The following MAST2 variants were observed in gnomAD, a reference collection of about 807,000 sequenced individuals.
The protein encoded by MAST2 is microtubule-associated serine/threonine-protein kinase 2.
In MAST2, 70 loss-of-function variants were observed where a neutral mutation model predicts 147.4. That is an observed-to-expected ratio of 0.47 (90% CI 0.39 to 0.58). The LOEUF is 0.58. Among genes scored for constraint, MAST2 ranks in the 20% least tolerant of loss-of-function variants. The pLI, the probability that MAST2 is intolerant of heterozygous loss-of-function variation, is 0.00. For missense variants in MAST2, 2,080 were observed against 2,302.3 expected, an observed-to-expected ratio of 0.90 and a Z score of 1.98; for synonymous variants, 869 against 896.8, an observed-to-expected ratio of 0.97 and a Z score of 0.55.
At chr1:45,955,310 C>T (rs1364444535) in intron 4 of MAST2, among the ~76,000 whole-genome samples, 1 of 152,138 alleles carries the variant, frequency 6.6e-6, no homozygotes, top group Non-Finnish European at 1.5e-5. Context: ...TACACATCTT[C>T]CTGTATACTT....
chr1:45,843,933 A>G (rs1201039604), intron 3 of MAST2, among the ~76,000 whole-genome samples: 3 of 152,220 alleles, frequency 2.0e-5, no homozygotes, highest in African/African-American at 7.2e-5. Flanking sequence ...CACATTAAAT[A>G]CTTTGCCTGA....
At chr1:45,871,067 A>T (rs1307593480) in intron 3 of MAST2, among the ~76,000 whole-genome samples, 1 of 132,118 alleles carries the variant, frequency 7.6e-6, no homozygotes, top group African/African-American at 2.9e-5. Flanking sequence ...AATGGCATAC[A>T]GTAGGTTTTC....
intron 4 of MAST2, among the ~76,000 whole-genome samples, chr1:45,955,912 A>G (rs1372897058): frequency 6.6e-6 from 1 of 152,144 alleles, no homozygotes; most frequent in Non-Finnish European, 1.5e-5. Flanking sequence ...AGTTTTATTG[A>G]GGTATGATTG....
At chr1:45,814,142 A>T (rs185690551) in intron 1 of MAST2, among the ~76,000 whole-genome samples, 1 of 152,330 alleles carries the variant, frequency 6.6e-6, no homozygotes, top group East Asian at 1.9e-4. Context: ...ATGATAATAT[A>T]CAACTATGTT....
At chr1:45,813,421 C>T (rs1038746557) in intron 1 of MAST2, among the ~76,000 whole-genome samples, 5 of 151,826 alleles carry the variant, frequency 3.3e-5, no homozygotes, top group African/African-American at 1.2e-4. Flanking sequence ...CCTCTGCCTC[C>T]TGGGTTCAAG....
intron 4 of MAST2, among the ~76,000 whole-genome samples, chr1:45,920,662 T>C (rs568555767): frequency 1.6e-4 from 25 of 152,214 alleles, no homozygotes; most frequent in Non-Finnish European, 3.1e-4. Context: ...ATAAGCCCAA[T>C]AGAAGCAGAT....
chr1:45,845,525 T>A (rs1224008384), intron 3 of MAST2, among the ~76,000 whole-genome samples: 1 of 152,258 alleles, frequency 6.6e-6, no homozygotes, highest in East Asian at 1.9e-4. Context: ...ATATTAAGGA[T>A]ACTTGTATTT....
intron 3 of MAST2, among the ~76,000 whole-genome samples, chr1:45,846,109 A>G (rs536013719): frequency 9.7e-6 from 1 of 102,912 alleles, no homozygotes; most frequent in South Asian, 3.8e-4. Context: ...TCAACATAAC[A>G]ATCATCACTG....
chr1:45,965,578 T>C (rs1447171998), intron 5 of MAST2, among the ~76,000 whole-genome samples: 1 of 152,212 alleles, frequency 6.6e-6, no homozygotes, highest in Non-Finnish European at 1.5e-5. Context: ...ATTTGCTTGG[T>C]AGATCTTCCT....
In MAST2 at chr1:46,027,758, C is replaced by T. The variant is rs1232757105; in HGVS notation, c.1947C>T (p.Ile649=). The T allele has an allele frequency of 1.2e-6, 2 of 1,613,706 alleles. No homozygotes were observed. Among genetic ancestry groups the T allele is most frequent in the Non-Finnish European group, 8.5e-7 (1 of 1,179,848 alleles). The change falls in exon 17 of 29, where the codon ATC becomes ATT. Residue 649 remains isoleucine (I), a synonymous_variant. Coordinates refer to ENST00000361297, the MANE Select transcript of MAST2 (RefSeq NM_015112.3). The part of the protein sequence containing the change: ...DNLLITSMGH[I]KLTDFGLSKI... ...TCCTAATTACATCCATGGGGCACAT[C>T]AAGCTCACGGACTTTGGACTGTCCA...
intron 4 of MAST2, among the ~76,000 whole-genome samples, chr1:45,955,137 A>G (rs539035342): frequency 6.6e-6 from 1 of 152,326 alleles, no homozygotes; most frequent in East Asian, 1.9e-4. Context: ...GCCCTCATAC[A>G]GTTTAATTTC....
intron 4 of MAST2, among the ~76,000 whole-genome samples, chr1:45,952,168 A>C (rs757933037): frequency 3.9e-5 from 6 of 152,270 alleles, no homozygotes; most frequent in Admixed American, 6.5e-5. Context: ...AAGTAGTAAC[A>C]ACCCAAATAC....
At chr1:46,009,541 T>C (rs949985830) in intron 9 of MAST2, among the ~76,000 whole-genome samples, 4 of 152,176 alleles carry the variant, frequency 2.6e-5, no homozygotes, top group Admixed American at 6.5e-5. Context: ...AACAAACACC[T>C]AGCAATTCAT....
Position 45,979,746 on chromosome 1 carries a change from G to T in MAST2, c.593-17978G>T, listed in dbSNP as rs532176724. Among the ~76,000 whole-genome samples the T allele has an allele frequency of 4.0e-5, 6 of 151,868 alleles. No homozygotes were observed. In the South Asian group the frequency reaches 1.2e-3, roughly 32 times the overall value. On this transcript the variant is annotated intron_variant, in intron 5 of 28. Coordinates refer to ENST00000361297, the MANE Select transcript of MAST2 (RefSeq NM_015112.3). The stretch of plus-strand genomic sequence containing the variant: ...GCTCCTCAGGAGGCTGAGGTGGGAG[G>T]ATCATTTAAGCCCAGGAGTTTTGAG...
At chr1:45,898,056 C>T (rs1280695888) in intron 4 of MAST2, among the ~76,000 whole-genome samples, 3 of 151,996 alleles carry the variant, frequency 2.0e-5, no homozygotes, top group Non-Finnish European at 4.4e-5. Flanking sequence ...TTGCAGGGAG[C>T]CGAGATGGCT....
chr1:45,888,834 C>A (rs963404256), intron 4 of MAST2, among the ~76,000 whole-genome samples: 9 of 151,550 alleles, frequency 5.9e-5, no homozygotes, highest in Non-Finnish European at 1.3e-4. Context: ...GATGTGTGCA[C>A]CACGCCTGGC....
At chr1:45,866,867 G>A (rs182167420) in intron 3 of MAST2, among the ~76,000 whole-genome samples, 71 of 151,804 alleles carry the variant, frequency 4.7e-4, no homozygotes, top group Admixed American at 5.9e-4. Flanking sequence ...CTCTGCCTCC[G>A]GAGTCGAGTA....
At chr1:45,818,209 A>G (rs1408518877) in intron 1 of MAST2, among the ~76,000 whole-genome samples, 1 of 152,200 alleles carries the variant, frequency 6.6e-6, no homozygotes, top group Non-Finnish European at 1.5e-5. Flanking sequence ...TTTTTGGTGC[A>G]TCTCATTAAG....
At position 45,873,437 on chromosome 1, in the gene MAST2, A is replaced by T. The variant is rs374397710; in HGVS notation, c.469-8927A>T. On this transcript the variant is annotated intron_variant, in intron 3 of 28. Transcript: ENST00000361297. ...GGTCTTGAACTCCTGAGCTCAAGGG[A>T]TCCTCCTGCCTCAGCCTCCCAAAGT... is the stretch of plus-strand genomic sequence containing the variant. Among the ~76,000 whole-genome samples, 5 of 151,994 alleles carry T rather than the reference A, an allele frequency of 3.3e-5. No homozygotes were observed. The East Asian group carries it at 9.7e-4, about 29-fold the overall frequency.
Sources: allele counts gnomAD v4.1 joint callset (sites outside exome capture counted in the v4.1 genomes callset), GRCh38; gene constraint gnomAD v4.1.1; transcripts MANE v1.5; gene names NCBI Gene and HGNC (gene_info 2026-07-23, HGNC 2026-07-21).